The following COL4A5 variants were observed in gnomAD, a reference collection of about 807,000 sequenced individuals.
The protein encoded by COL4A5 is collagen alpha-5(IV) chain.
COL4A5 carries 26 observed loss-of-function variants against 130.2 expected under a neutral mutation model. The observed-to-expected ratio is 0.20, with a 90% CI of 0.15 to 0.28. COL4A5 has a LOEUF of 0.28. Among genes scored for constraint, COL4A5 ranks in the 10% least tolerant of loss-of-function variants. COL4A5 has a pLI of 1.00. For synonymous variants in COL4A5, 496 were observed against 439.6 expected (o/e 1.13, Z -1.60); for missense variants, 1,131 against 1,344.3 (o/e 0.84, Z 2.48).
chrX:108,692,618 A>T, intron 49 of COL4A5, 130 bp from the exon 50 acceptor site: 1 of 520,517 alleles, frequency 1.9e-6, no homozygotes, highest in East Asian at 3.6e-5. Flanking sequence ...TAGACTTAAG[A>T]AATATAGTAT....
intron 1 of COL4A5, among the ~76,000 whole-genome samples, chrX:108,444,025 G>A (rs182770790): frequency 9.0e-6 from 1 of 111,132 alleles, no homozygotes; most frequent in Non-Finnish European, 1.9e-5. Flanking sequence ...ATAGCAGTAT[G>A]GACTTAATGA....
At chrX:108,661,665 T>G (rs1008745894) in intron 37 of COL4A5, among the ~76,000 whole-genome samples, 2 of 111,478 alleles carry the variant, frequency 1.8e-5, no homozygotes, top group African/African-American at 6.5e-5. Context: ...CTAAATGATA[T>G]GGATAGTATG....
intron 1 of COL4A5, among the ~76,000 whole-genome samples, chrX:108,446,542 AT>A (rs2064453587): frequency 8.9e-6 from 1 of 112,238 alleles, no homozygotes; most frequent in Non-Finnish European, 1.9e-5. Flanking sequence ...CAACAGAGAA[AT>A]TATGGTAACT....
At chrX:108,637,771 A>T (rs893620296) in intron 36 of COL4A5, among the ~76,000 whole-genome samples, 2 of 111,796 alleles carry the variant, frequency 1.8e-5, no homozygotes, top group Non-Finnish European at 3.8e-5. Flanking sequence ...TAAAGTGAGT[A>T]AGAAGATTGA....
intron 36 of COL4A5, among the ~76,000 whole-genome samples, chrX:108,633,806 A>G (rs1178900201): frequency 8.9e-6 from 1 of 111,885 alleles, no homozygotes; most frequent in African/African-American, 3.2e-5. Context: ...TGTTTCTTTC[A>G]GATGGCATTA....
At chrX:108,595,876 G>C (rs1453259381) in intron 22 of COL4A5, among the ~76,000 whole-genome samples, 1 of 111,984 alleles carries the variant, frequency 8.9e-6, no homozygotes, top group Non-Finnish European at 1.9e-5. Context: ...CACTTATACA[G>C]AGTCAGACTT....
chrX:108,576,080 A>G, intron 10 of COL4A5, 108 bp downstream of exon 10: 1 of 518,757 alleles, frequency 1.9e-6, no homozygotes. Context: ...CTCAACATTC[A>G]TAATTTATAA....
At chrX:108,572,147 C>G (rs896302676) in intron 8 of COL4A5, among the ~76,000 whole-genome samples, 1 of 111,370 alleles carries the variant, frequency 9.0e-6, no homozygotes, top group African/African-American at 3.3e-5. Flanking sequence ...TTTCCCTGGC[C>G]TCTGTGACAC....
intron 1 of COL4A5, among the ~76,000 whole-genome samples, chrX:108,444,670 G>A (rs2064435213): frequency 8.9e-6 from 1 of 111,990 alleles, no homozygotes; most frequent in Non-Finnish European, 1.9e-5. Flanking sequence ...ATTGCCTCTA[G>A]GCCCTCTCAG....
intron 2 of COL4A5, among the ~76,000 whole-genome samples, chrX:108,554,842 A>G (rs1457597381): frequency 9.0e-6 from 1 of 111,712 alleles, no homozygotes; most frequent in African/African-American, 3.3e-5. Context: ...AGCCTGTGCA[A>G]CAAGGTGAGA....
chrX:108,648,470 A>G (rs1001578910), intron 36 of COL4A5, among the ~76,000 whole-genome samples: 2 of 111,215 alleles, frequency 1.8e-5, no homozygotes, highest in East Asian at 5.6e-4. Flanking sequence ...CTTGATTAAC[A>G]TCGATGCTAA....
rs181835194 is a variant in COL4A5, at chrX:108,474,587, G to C, written c.81+34381G>C. On this transcript the variant is annotated intron_variant, in intron 1 of 52. Transcript: ENST00000328300. ...ATGCATGACTGTAATTGTTTCCTTTGCTTTGTAGATTTTTAGTTTGATGCA... is the reference window on the plus strand; with the variant it reads ...ATGCATGACTGTAATTGTTTCCTTTCCTTTGTAGATTTTTAGTTTGATGCA... Among the ~76,000 whole-genome samples the C allele has an allele frequency of 2.0e-3, 226 of 111,816 alleles. 1 individual carries two copies. The highest frequency in any genetic ancestry group is 6.5e-3 in the Admixed American group (69 of 10,556).
intron 1 of COL4A5, among the ~76,000 whole-genome samples, chrX:108,535,665 A>G (rs775171976): frequency 1.8e-5 from 2 of 110,996 alleles, no homozygotes; most frequent in South Asian, 7.6e-4. Context: ...TATGCGTGGT[A>G]CACCCTTATA....
intron 28 of COL4A5, among the ~76,000 whole-genome samples, chrX:108,605,237 AT>A (rs1166827039): frequency 9.0e-6 from 1 of 111,709 alleles, no homozygotes; most frequent in East Asian, 2.8e-4. Flanking sequence ...CCAGCTTTTG[AT>A]TTTAAGTGAG....
Position 108,584,073 on chromosome X carries a change from TA to T in COL4A5, c.991-389del, listed in dbSNP as rs56676245. Among the ~76,000 whole-genome samples, 532 of 57,495 alleles carry T rather than the reference TA, an allele frequency of 9.3e-3. 3 individuals carry two copies. Among genetic ancestry groups the T allele is most frequent in the Admixed American group, 0.013 (59 of 4,717 alleles). 49.9% of individuals were successfully genotyped at this position (57,495 alleles called of 115,157 possible). A position where few individuals can be genotyped will look rare whatever the true frequency, so the allele number is the denominator to read the frequency against. ...TTATGAGAAGAAACATGGCTAAATG[TA>T]AAAAAAAAAAAAAAAAAAAAAGTAA... On this transcript the variant is annotated intron_variant, in intron 17 of 52. Coordinates refer to ENST00000328300, the MANE Select transcript of COL4A5 (RefSeq NM_033380.3).
intron 25 of COL4A5, 141 bp downstream of exon 25, chrX:108,599,011 GA>G: frequency 1.9e-6 from 1 of 538,188 alleles, no homozygotes; most frequent in Admixed American, 3.8e-5. Context: ...CTTAGCAAGG[GA>G]TCACAATGGT....
At chrX:108,627,148 G>A in intron 36 of COL4A5, 1 of 665,357 alleles carries the variant, frequency 1.5e-6, no homozygotes, top group Non-Finnish European at 1.8e-6. Context: ...GTTTCTGTAT[G>A]TTCATTCCAG....
At chrX:108,586,340 C>T (rs1472797783) in intron 18 of COL4A5, among the ~76,000 whole-genome samples, 3 of 111,154 alleles carry the variant, frequency 2.7e-5, no homozygotes, top group Non-Finnish European at 5.7e-5. Context: ...AATTGTCAGG[C>T]TTAGGAGATT....
chrX:108,592,532 T>C (rs1266076895), intron 21 of COL4A5, among the ~76,000 whole-genome samples: 1 of 111,074 alleles, frequency 9.0e-6, no homozygotes, highest in Non-Finnish European at 1.9e-5. Context: ...TACTCTCCTC[T>C]TGTTTTCTCT....
Sources: allele counts gnomAD v4.1 joint callset (sites outside exome capture counted in the v4.1 genomes callset), GRCh38; gene constraint gnomAD v4.1.1; transcripts MANE v1.5; gene names NCBI Gene and HGNC (gene_info 2026-07-23, HGNC 2026-07-21).